Variants in IPO7 observed in about 807,000 individuals in gnomAD.
The protein encoded by IPO7 is importin-7.
In IPO7, 13 loss-of-function variants were observed where a neutral mutation model predicts 136.4. That is an observed-to-expected ratio of 0.10 (90% CI 0.06 to 0.15). The LOEUF (loss-of-function observed/expected upper bound fraction) is 0.15, where lower values mean the gene tolerates loss of function less well. IPO7 is among the 10% of genes least tolerant of loss of function. The probability of loss-of-function intolerance (pLI) is 1.00; values close to 1 mark genes in which losing one functional copy is unlikely to be tolerated. For synonymous variants in IPO7, 403 were observed against 404.4 expected (o/e 1.00, Z 0.04); for missense variants, 857 against 1,240.6 (o/e 0.69, Z 4.65).
intron 1 of IPO7, among the ~76,000 whole-genome samples, chr11:9,401,915 A>G (rs1404793917): frequency 6.6e-6 from 1 of 152,210 alleles, no homozygotes; most frequent in Non-Finnish European, 1.5e-5. Context: ...CACTACCCCC[A>G]AACTATTCAT....
intron 1 of IPO7, among the ~76,000 whole-genome samples, chr11:9,402,443 G>T (rs924880379): frequency 6.8e-6 from 1 of 148,040 alleles, no homozygotes; most frequent in African/African-American, 2.5e-5. Context: ...CTAGTTGGGG[G>T]TCAGACGCAA....
chr11:9,390,111 G>A (rs1029360549), intron 1 of IPO7, among the ~76,000 whole-genome samples: 7 of 152,194 alleles, frequency 4.6e-5, no homozygotes, highest in South Asian at 4.1e-4. Context: ...GGCTGGTCTC[G>A]AACTCCTGAC....
At chr11:9,387,422 T>A (rs989694078) in intron 1 of IPO7, among the ~76,000 whole-genome samples, 1 of 152,276 alleles carries the variant, frequency 6.6e-6, no homozygotes, top group African/African-American at 2.4e-5. Flanking sequence ...CTTCCATCCC[T>A]GTTCAAATGT....
At chr11:9,397,454 C>G (rs1398902668) in intron 1 of IPO7, among the ~76,000 whole-genome samples, 1 of 147,902 alleles carries the variant, frequency 6.8e-6, no homozygotes, top group African/African-American at 2.5e-5. Flanking sequence ...TGGTCTTGAT[C>G]TCGTGACCTC....
At chr11:9,422,977 T>C (rs1288514130) in intron 8 of IPO7, 29 bp from the exon 9 acceptor site, 4 of 1,446,748 alleles carry the variant, frequency 2.8e-6, no homozygotes, top group Admixed American at 4.2e-5. Flanking sequence ...ATTTGAACAT[T>C]GATTTGTGAT....
chr11:9,414,274 C>T lies in IPO7; in HGVS notation c.499C>T (p.Arg167Trp), dbSNP rs199667498. ...TCAAAGGTATAAAAAACCAGAGGAGCGGAGTCCATTGGTAGCAGCAATGCA... is the reference window on the plus strand; with the variant it reads ...TCAAAGGTATAAAAAACCAGAGGAGTGGAGTCCATTGGTAGCAGCAATGCA... ...KNYEYKKPEERSPLVAAMQHF... is the reference protein window; with the variant it reads ...KNYEYKKPEEWSPLVAAMQHF... The change falls in exon 5 of 25, where the codon CGG becomes TGG. Residue 167 changes from arginine (R) to tryptophan (W), a missense_variant. Physicochemically the swap from Arg to Trp is moderately radical, Grantham distance 101. Coordinates refer to ENST00000379719, the MANE Select transcript of IPO7 (RefSeq NM_006391.3). 9 of 1,610,398 alleles carry T rather than the reference C, an allele frequency of 5.6e-6. No homozygotes were observed. Among genetic ancestry groups the T allele is most frequent in the Admixed American group, 5.0e-5 (3 of 59,426 alleles).
At chr11:9,412,122 G>A (rs1007351410) in intron 4 of IPO7, among the ~76,000 whole-genome samples, 1 of 152,122 alleles carries the variant, frequency 6.6e-6, no homozygotes, top group African/African-American at 2.4e-5. Flanking sequence ...ATGTATGCTA[G>A]GTATAATTTG....
At chr11:9,429,316 AC>A in intron 14 of IPO7, 120 bp downstream of exon 14, 1 of 836,500 alleles carries the variant, frequency 1.2e-6, no homozygotes, top group Non-Finnish European at 1.9e-6. Flanking sequence ...GGTGTTCAAG[AC>A]CAGCCTGGGC....
intron 5 of IPO7, 114 bp from the exon 6 acceptor site, chr11:9,416,945 A>G: frequency 2.0e-6 from 1 of 510,234 alleles, no homozygotes; most frequent in Non-Finnish European, 3.5e-6. Flanking sequence ...TATGTACTAA[A>G]AGCAGGAAAT....
chr11:9,442,035 C>A, intron 23 of IPO7, 46 bp from the exon 24 acceptor site: 1 of 878,484 alleles, frequency 1.1e-6, no homozygotes, highest in Non-Finnish European at 1.9e-6. Flanking sequence ...AGCTACCAAG[C>A]CTCTCTTATT....
At chr11:9,429,235 C>T in intron 14 of IPO7, 39 bp downstream of exon 14, 2 of 1,547,756 alleles carry the variant, frequency 1.3e-6, no homozygotes, top group Non-Finnish European at 1.8e-6. Flanking sequence ...TGAATGTTGG[C>T]CAGGTGCGGT....
At chr11:9,412,760 A>T (rs1854984568) in intron 4 of IPO7, among the ~76,000 whole-genome samples, 1 of 152,084 alleles carries the variant, frequency 6.6e-6, no homozygotes, top group African/African-American at 2.4e-5. Flanking sequence ...TGAGCCTGGA[A>T]GGTTGAGGCT....
At chr11:9,422,403 GTT>G (rs1258159324) in intron 8 of IPO7, among the ~76,000 whole-genome samples, 4 of 151,366 alleles carry the variant, frequency 2.6e-5, no homozygotes, top group African/African-American at 9.7e-5. Context: ...TCAAAACACA[GTT>G]TTGTTTTTTT....
At chr11:9,397,341 A>AAATATATATATATATATAT in intron 1 of IPO7, among the ~76,000 whole-genome samples, 2 of 10,762 alleles carry the variant, frequency 1.9e-4, no homozygotes, top group African/African-American at 2.5e-4. Flanking sequence ...TTTAAAAAAA[A>AAATATATATATATATATAT]ATATATATAT....
intron 2 of IPO7, among the ~76,000 whole-genome samples, chr11:9,403,942 A>G (rs1293909298): frequency 6.6e-6 from 1 of 151,974 alleles, no homozygotes; most frequent in African/African-American, 2.4e-5. Context: ...GCTCTCTGCA[A>G]CCTCTGCCTC....
At chr11:9,398,934 GT>G (rs1234743580) in intron 1 of IPO7, among the ~76,000 whole-genome samples, 1 of 152,140 alleles carries the variant, frequency 6.6e-6, no homozygotes, top group Admixed American at 6.5e-5. Flanking sequence ...TGTTGAGAAA[GT>G]TTTTAAAAAT....
chr11:9,406,376 T>A (rs1329554606), intron 2 of IPO7, among the ~76,000 whole-genome samples: 4 of 152,044 alleles, frequency 2.6e-5, no homozygotes, highest in Non-Finnish European at 4.4e-5. Flanking sequence ...CGTTTTTAGA[T>A]AAGAGTCTGC....
intron 22 of IPO7, among the ~76,000 whole-genome samples, chr11:9,440,201 G>A (rs552781085): frequency 4.1e-4 from 63 of 152,306 alleles, no homozygotes; most frequent in African/African-American, 1.4e-3. Flanking sequence ...TGTAACGGTA[G>A]TGTGTTCATA....
At chr11:9,416,608 C>T (rs542328063) in intron 5 of IPO7, among the ~76,000 whole-genome samples, 1 of 152,000 alleles carries the variant, frequency 6.6e-6, no homozygotes, top group East Asian at 1.9e-4. Flanking sequence ...AGGATTTATC[C>T]CAGGAATACA....
Sources: allele counts gnomAD v4.1 joint callset (sites outside exome capture counted in the v4.1 genomes callset), GRCh38; gene constraint gnomAD v4.1.1; transcripts MANE v1.5; gene names NCBI Gene and HGNC (gene_info 2026-07-23, HGNC 2026-07-21).